Variants in L2HGDH observed in about 807,000 individuals in gnomAD.
The protein encoded by L2HGDH is L-2-hydroxyglutarate dehydrogenase, also known as L-2-hydroxyglutarate dehydrogenase, mitochondrial.
In L2HGDH, 34 loss-of-function variants were observed where a neutral mutation model predicts 51.5. The observed-to-expected ratio is 0.66, with a 90% CI of 0.50 to 0.88. The LOEUF is 0.88. Ranked by LOEUF, L2HGDH falls within the 40% of genes least tolerant of loss-of-function variation. L2HGDH has a pLI of 0.00. For missense variants in L2HGDH, 558 were observed against 571.9 expected (o/e 0.98, Z 0.25); for synonymous variants, 198 against 197.9 (o/e 1.00, Z -0.01).
At chr14:50,258,082 A>C (rs1888781425) in intron 9 of L2HGDH, among the ~76,000 whole-genome samples, 1 of 151,604 alleles carries the variant, frequency 6.6e-6, no homozygotes, top group South Asian at 2.1e-4. Flanking sequence ...TTAAAAAAAA[A>C]AAAAAAAGAA....
At chr14:50,279,456 A>G (rs74703322) in intron 5 of L2HGDH, among the ~76,000 whole-genome samples, 5,284 of 152,186 alleles carry the variant, frequency 0.035, 300 homozygotes, top group African/African-American at 0.12. Context: ...CTGACATTCT[A>G]AAACTTGGAT....
At chr14:50,282,350 C>T (rs1340159671) in intron 5 of L2HGDH, 9 of 424,688 alleles carry the variant, frequency 2.1e-5, no homozygotes, top group Non-Finnish European at 4.2e-5. Context: ...CTTTCCTAGT[C>T]CAGCCTCTTA....
At chr14:50,298,186 G>A (rs1421767804) in intron 3 of L2HGDH, among the ~76,000 whole-genome samples, 2 of 151,392 alleles carry the variant, frequency 1.3e-5, no homozygotes, top group Non-Finnish European at 2.9e-5. Flanking sequence ...GGAGGTTGCA[G>A]TGAGCTGAGA....
intron 7 of L2HGDH, 40 bp from the exon 8 acceptor site, chr14:50,267,950 T>A: frequency 6.3e-7 from 1 of 1,580,228 alleles, no homozygotes; most frequent in Non-Finnish European, 8.7e-7. Context: ...TCATTTCACA[T>A]TCCATGTTAT....
At chr14:50,254,782 T>C (rs1377772023) in intron 9 of L2HGDH, among the ~76,000 whole-genome samples, 2 of 152,080 alleles carry the variant, frequency 1.3e-5, no homozygotes, top group Non-Finnish European at 1.5e-5. Flanking sequence ...CTCATGCTTG[T>C]AATCCTAGAA....
At chr14:50,308,785 T>C (rs541784596) in intron 1 of L2HGDH, among the ~76,000 whole-genome samples, 4 of 152,340 alleles carry the variant, frequency 2.6e-5, no homozygotes, top group Admixed American at 1.3e-4. Flanking sequence ...ATGAAACTTA[T>C]GTTCATACAA....
chr14:50,303,299 G>A (rs1227156013), intron 1 of L2HGDH, among the ~76,000 whole-genome samples: 2 of 151,864 alleles, frequency 1.3e-5, no homozygotes, highest in African/African-American at 4.8e-5. Context: ...GCGCGTGCCT[G>A]TAGTCCCAGC....
chr14:50,281,008 G>A (rs1890238044), intron 5 of L2HGDH, among the ~76,000 whole-genome samples: 1 of 152,010 alleles, frequency 6.6e-6, no homozygotes, highest in East Asian at 1.9e-4. Context: ...GTAGAGGCAG[G>A]GTCTCGCTAT....
intron 1 of L2HGDH, among the ~76,000 whole-genome samples, chr14:50,308,521 T>C (rs1230733242): frequency 6.6e-6 from 1 of 152,160 alleles, no homozygotes; most frequent in Non-Finnish European, 1.5e-5. Flanking sequence ...CAAACATCAT[T>C]GCATCAGAGA....
intron 8 of L2HGDH, among the ~76,000 whole-genome samples, chr14:50,266,009 G>A (rs549020116): frequency 1.3e-5 from 2 of 152,196 alleles, no homozygotes; most frequent in East Asian, 3.9e-4. Context: ...AGCTGGGCAT[G>A]GTGGTGTGTG....
In L2HGDH at chr14:50,275,133, C is replaced by T. The variant is rs1889904757; in HGVS notation, c.738+3387G>A. ...ATAACAAATCTAAGTGTTCTCATCACATACACATAAATGGTAACTATGTGA... is the reference window on the plus strand; with the variant it reads ...ATAACAAATCTAAGTGTTCTCATCATATACACATAAATGGTAACTATGTGA... On this transcript the variant is annotated intron_variant, in intron 6 of 9. Coordinates refer to ENST00000267436, the MANE Select transcript of L2HGDH (RefSeq NM_024884.3). Among the ~76,000 whole-genome samples, 10 of 152,132 alleles carry T rather than the reference C, an allele frequency of 6.6e-5. 1 individual carries two copies. Among genetic ancestry groups the T allele is most frequent in the Admixed American group, 6.5e-4 (10 of 15,272 alleles).
chr14:50,307,668 C>T (rs2030811170), intron 1 of L2HGDH, among the ~76,000 whole-genome samples: 1 of 152,212 alleles, frequency 6.6e-6, no homozygotes, highest in African/African-American at 2.4e-5. Context: ...TATCAACTCA[C>T]AGCAAATCTT....
intron 1 of L2HGDH, among the ~76,000 whole-genome samples, chr14:50,309,507 A>T (rs753413432): frequency 5.3e-5 from 8 of 151,850 alleles, no homozygotes; most frequent in Non-Finnish European, 1.0e-4. Context: ...GGTTGCAGTG[A>T]GCCAAGATCA....
intron 6 of L2HGDH, among the ~76,000 whole-genome samples, chr14:50,269,860 C>T (rs1889567472): frequency 6.6e-6 from 1 of 152,122 alleles, no homozygotes; most frequent in South Asian, 2.1e-4. Context: ...AAAATATAAG[C>T]ACATAAAATC....
intron 1 of L2HGDH, among the ~76,000 whole-genome samples, chr14:50,310,469 G>A (rs370793564): frequency 6.6e-6 from 1 of 152,136 alleles, no homozygotes; most frequent in South Asian, 2.1e-4. Context: ...CACTTTGGGT[G>A]GCTGAAGAGG....
chr14:50,298,106 T>G (rs1421851162), intron 3 of L2HGDH, among the ~76,000 whole-genome samples: 1 of 151,904 alleles, frequency 6.6e-6, no homozygotes, highest in South Asian at 2.1e-4. Context: ...TAGCCAGGCA[T>G]GGTGGCGTGA....
Position 50,268,342 on chromosome 14 carries a change from G to A in L2HGDH, c.907-432C>T, listed in dbSNP as rs142186671. 1.4e-3 allele frequency among the ~76,000 whole-genome samples: 197 copies of A among 142,160 alleles called. 1 individual carries two copies. Among genetic ancestry groups the A allele is most frequent in the African/African-American group, 4.9e-3 (183 of 37,632 alleles). 93.3% of individuals were successfully genotyped at this position (142,160 alleles called of 152,430 possible). A position where few individuals can be genotyped will look rare whatever the true frequency, so the allele number is the denominator to read the frequency against. On this transcript the variant is annotated intron_variant, in intron 7 of 9. Transcript: ENST00000267436. The stretch of plus-strand genomic sequence containing the variant: ...TGCAATAAGCCAAGATCATGCCACT[G>A]CACTCCAGCCTGGGCAACAGAGTGA...
intron 6 of L2HGDH, 70 bp downstream of exon 6, chr14:50,278,450 T>C (rs2140004398): frequency 1.0e-6 from 1 of 954,080 alleles, no homozygotes; most frequent in South Asian, 1.4e-5. Flanking sequence ...TACAGCCCTG[T>C]GGGTTAATTT....
At chr14:50,268,272 G>C (rs558291878) in intron 7 of L2HGDH, among the ~76,000 whole-genome samples, 1 of 151,992 alleles carries the variant, frequency 6.6e-6, no homozygotes, top group South Asian at 2.1e-4. Flanking sequence ...CCAGCTACTT[G>C]GGAGGCTGAG....
Sources: gnomAD v4.1 joint callset for allele counts (sites outside exome capture counted in the v4.1 genomes callset) on GRCh38, gnomAD v4.1.1 for gene constraint, MANE v1.5 for transcripts, NCBI Gene and HGNC (gene_info 2026-07-23, HGNC 2026-07-21) for gene names.